The following TMEM45A variants were observed in gnomAD, a reference collection of about 807,000 sequenced individuals.
The protein encoded by TMEM45A is DNA polymerase-transactivated protein 4.
TMEM45A carries 25 observed loss-of-function variants against 32.0 expected under a neutral mutation model. The observed-to-expected ratio is 0.78, with a 90% CI of 0.57 to 1.09. The LOEUF is 1.09. Among genes scored for constraint, TMEM45A ranks in the 50% least tolerant of loss-of-function variants. The pLI is 0.00. For synonymous variants in TMEM45A, 122 were observed against 114.8 expected (o/e 1.06, Z -0.40); for missense variants, 302 against 325.0 (o/e 0.93, Z 0.54).
chr3:100,508,396 C>G (rs996437444), intron 1 of TMEM45A, among the ~76,000 whole-genome samples: 3 of 152,152 alleles, frequency 2.0e-5, no homozygotes, highest in African/African-American at 4.8e-5. Context: ...ACTGACATCC[C>G]CTTACATCTA....
intron 4 of TMEM45A, among the ~76,000 whole-genome samples, chr3:100,565,675 CATT>C (rs1706417685): frequency 2.0e-5 from 3 of 152,260 alleles, no homozygotes; most frequent in South Asian, 4.1e-4. Context: ...TAGGATTATT[CATT>C]ATATTATCCT....
intron 1 of TMEM45A, among the ~76,000 whole-genome samples, chr3:100,509,727 G>T (rs1326943273): frequency 1.3e-5 from 2 of 152,152 alleles, no homozygotes; most frequent in African/African-American, 4.8e-5. Flanking sequence ...TCACTAGGGA[G>T]TGCCAGACAG....
chr3:100,553,006 A>G (rs758479454), intron 1 of TMEM45A, among the ~76,000 whole-genome samples: 5 of 152,232 alleles, frequency 3.3e-5, no homozygotes, highest in Non-Finnish European at 7.3e-5. Flanking sequence ...TTCTATATCC[A>G]TCTTAGTATC....
intron 1 of TMEM45A, among the ~76,000 whole-genome samples, chr3:100,552,984 T>A (rs1318747257): frequency 6.6e-6 from 1 of 152,242 alleles, no homozygotes; most frequent in Non-Finnish European, 1.5e-5. Context: ...ATTGTATCAA[T>A]GTTTCTTGAT....
intron 5 of TMEM45A, among the ~76,000 whole-genome samples, chr3:100,569,675 A>G (rs1706519640): frequency 6.6e-6 from 1 of 152,204 alleles, no homozygotes; most frequent in African/African-American, 2.4e-5. Context: ...AGAGCTCAAT[A>G]AATATTATTG....
At chr3:100,556,065 A>C (rs1706215495) in intron 2 of TMEM45A, among the ~76,000 whole-genome samples, 1 of 151,932 alleles carries the variant, frequency 6.6e-6, no homozygotes, top group Admixed American at 6.6e-5. Context: ...GCTCACTGCA[A>C]CCTCTGCCTC....
At chr3:100,575,695 A>G (rs1248820068) in intron 5 of TMEM45A, among the ~76,000 whole-genome samples, 1 of 152,174 alleles carries the variant, frequency 6.6e-6, no homozygotes, top group African/African-American at 2.4e-5. Context: ...CTATGAAAAC[A>G]GTCACCAGGA....
chr3:100,572,265 T>TG (rs1706578649), intron 5 of TMEM45A: 1 of 151,876 alleles, frequency 6.6e-6, no homozygotes, highest in South Asian at 2.1e-4. Context: ...GCACCTGTTG[T>TG]TTCCTGACTT....
At chr3:100,569,172 G>A (rs1706506282) in intron 5 of TMEM45A, among the ~76,000 whole-genome samples, 1 of 152,158 alleles carries the variant, frequency 6.6e-6, no homozygotes, top group African/African-American at 2.4e-5. Context: ...ACTCAACAGT[G>A]CCTCAGCTGT....
rs772379133 is a variant in TMEM45A, at chr3:100,577,032, C to T, written c.*14C>T. On this transcript the variant is annotated 3_prime_UTR_variant, in exon 6 of 6. Coordinates refer to ENST00000323523, the MANE Select transcript of TMEM45A (RefSeq NM_018004.3). Reference sequence around the variant, plus strand: ...GAAGAAATGTGACTTTGATGAGCTTCCAGTTTTTCTAGATAAACCTTTTCT... The same window carrying T: ...GAAGAAATGTGACTTTGATGAGCTTTCAGTTTTTCTAGATAAACCTTTTCT... 9 of 1,600,772 alleles carry T rather than the reference C, an allele frequency of 5.6e-6. No homozygotes were observed. Among genetic ancestry groups the T allele is most frequent in the Non-Finnish European group, 7.7e-6 (9 of 1,172,280 alleles).
intron 5 of TMEM45A, among the ~76,000 whole-genome samples, chr3:100,570,033 T>G (rs901069448): frequency 6.6e-6 from 1 of 152,224 alleles, no homozygotes; most frequent in African/African-American, 2.4e-5. Flanking sequence ...GCATGAAGAC[T>G]CCAGCACCTA....
chr3:100,509,836 C>G (rs772419512), intron 1 of TMEM45A, among the ~76,000 whole-genome samples: 2 of 152,168 alleles, frequency 1.3e-5, no homozygotes, highest in African/African-American at 4.8e-5. Flanking sequence ...CTTCCCTTTC[C>G]TAGTCAAAGA....
At chr3:100,527,920 G>T (rs965988730) in intron 1 of TMEM45A, among the ~76,000 whole-genome samples, 4 of 152,194 alleles carry the variant, frequency 2.6e-5, no homozygotes, top group African/African-American at 9.7e-5. Flanking sequence ...GACTGGTGTT[G>T]CTTGAGAAAT....
At chr3:100,556,681 G>A in intron 2 of TMEM45A, 79 bp from the exon 3 acceptor site, 2 of 1,294,192 alleles carry the variant, frequency 1.5e-6, no homozygotes, top group Non-Finnish European at 2.2e-6. Context: ...ATTGGAATAA[G>A]CAATGGACTA....
Position 100,499,492 on chromosome 3 carries a change from T to C in TMEM45A, c.-4+6564T>C, listed in dbSNP as rs1267203853. Among the ~76,000 whole-genome samples the C allele has an allele frequency of 2.6e-5, 4 of 152,376 alleles. No individual in the cohort carries two copies. In the South Asian group the frequency reaches 6.2e-4, roughly 24 times the overall value. On this transcript the variant is annotated intron_variant, in intron 1 of 5. Transcript: ENST00000323523. ...TATGTAGATATCATAAGCATAGACA[T>C]AGCCATAGTTTAAAAATATTAATTC...
chr3:100,511,522 C>T (rs1708161001), intron 1 of TMEM45A, among the ~76,000 whole-genome samples: 1 of 151,956 alleles, frequency 6.6e-6, no homozygotes, highest in Admixed American at 6.6e-5. Context: ...CAAAATCATG[C>T]CAAAATGTAA....
intron 5 of TMEM45A, chr3:100,571,478 A>C (rs183847093): frequency 3.9e-5 from 6 of 152,324 alleles, no homozygotes; most frequent in African/African-American, 1.4e-4. Context: ...ATGATTAAGA[A>C]ACACCATAAG....
chr3:100,501,737 G>A (rs1053955644), intron 1 of TMEM45A, among the ~76,000 whole-genome samples: 5 of 152,076 alleles, frequency 3.3e-5, no homozygotes, highest in African/African-American at 4.8e-5. Context: ...CCTCAGTGCC[G>A]CAGTTATTTC....
chr3:100,559,702 T>C (rs935608167), intron 4 of TMEM45A, among the ~76,000 whole-genome samples: 8 of 152,036 alleles, frequency 5.3e-5, no homozygotes, highest in African/African-American at 1.9e-4. Context: ...GGAAAACATT[T>C]TAAAAGAGAT....
Sources: allele counts gnomAD v4.1 joint callset (sites outside exome capture counted in the v4.1 genomes callset), GRCh38; gene constraint gnomAD v4.1.1; transcripts MANE v1.5; gene names NCBI Gene and HGNC (gene_info 2026-07-23, HGNC 2026-07-21).